CDH26: variants seen among roughly 807,000 people sequenced by gnomAD.
The protein encoded by CDH26 is cadherin-like protein 26.
A neutral mutation model predicts 90.3 loss-of-function variants in CDH26; 83 were observed. That is an observed-to-expected ratio of 0.92 (90% confidence interval 0.77 to 1.10). The LOEUF (loss-of-function observed/expected upper bound fraction) is 1.10, where lower values mean the gene tolerates loss of function less well. CDH26 is among the 50% of genes least tolerant of loss of function. The pLI, the probability that CDH26 is intolerant of heterozygous loss-of-function variation, is 0.00. For missense variants in CDH26, 1,013 were observed against 1,037.6 expected, an observed-to-expected ratio of 0.98 and a Z score of 0.33; for synonymous variants, 397 against 396.3, an observed-to-expected ratio of 1.00 and a Z score of -0.02.
At chr20:60,000,890 C>T (rs1007439422) in intron 14 of CDH26, among the ~76,000 whole-genome samples, 2 of 152,166 alleles carry the variant, frequency 1.3e-5, no homozygotes, top group Non-Finnish European at 2.9e-5. Flanking sequence ...TCAATGAGAC[C>T]ATTGTCAAGG....
chr20:59,969,636 C>T (rs542630492), intron 2 of CDH26, among the ~76,000 whole-genome samples: 7 of 152,310 alleles, frequency 4.6e-5, no homozygotes, highest in Non-Finnish European at 5.9e-5. Context: ...TCTTTGTGTA[C>T]ATGTCTGCAC....
chr20:59,976,809 G>A (rs2061333339), intron 4 of CDH26, among the ~76,000 whole-genome samples: 2 of 152,062 alleles, frequency 1.3e-5, no homozygotes, highest in Admixed American at 6.5e-5. Context: ...GCAGAGGAAT[G>A]AGCCACAAGT....
chr20:60,018,036 T>C (rs946840026), downstream of CDH26, among the ~76,000 whole-genome samples: 2 of 152,102 alleles, frequency 1.3e-5, no homozygotes, highest in South Asian at 2.1e-4. Flanking sequence ...ATATGGCCTC[T>C]CCTGGAGAAA....
Position 59,985,007 on chromosome 20 carries a change from C to A in CDH26, c.715C>A (p.Pro239Thr). ...TCCTTTTCCTCCCACATAGACCGCTCCTCAGTTTACACTGCTAATCAGAGC... is the reference window on the plus strand; with the variant it reads ...TCCTTTTCCTCCCACATAGACCGCTACTCAGTTTACACTGCTAATCAGAGC... ...LSGCLDYETA[P>T]QFTLLIRARD... The change falls in exon 7 of 18, where the codon CCT (proline) becomes ACT (threonine). Residue 239 changes from proline to threonine, a missense_variant. Coordinates refer to ENST00000348616, the MANE Select transcript of CDH26 (RefSeq NM_177980.4). The A allele has an allele frequency of 6.2e-7, 1 of 1,614,026 alleles. No homozygotes were observed. Among genetic ancestry groups the A allele is most frequent in the South Asian group, 1.1e-5 (1 of 91,040 alleles).
At chr20:59,984,918 A>G in intron 6 of CDH26, 83 bp from the exon 7 acceptor site, 1 of 1,567,898 alleles carries the variant, frequency 6.4e-7, no homozygotes, top group Non-Finnish European at 8.7e-7. Context: ...TTTGCTATTG[A>G]AATTCCTAAA....
At position 59,989,015 on chromosome 20, in the gene CDH26, G is replaced by A. The variant is rs1353978111; in HGVS notation, c.1135G>A (p.Ala379Thr). The A allele has an allele frequency of 6.2e-7, 1 of 1,614,224 alleles. No homozygotes were observed. The highest frequency in any genetic ancestry group is 1.7e-5 in the Admixed American group (1 of 60,028). ...GKLQPPRKAAASATVSVQVTD... is the reference protein window; with the variant it reads ...GKLQPPRKAATSATVSVQVTD... ...GCTTCAGCCGCCAAGGAAGGCAGCA[G>A]CCAGCGCCACTGTGAGTGTGCAGGT... is the stretch of plus-strand genomic sequence containing the variant. Residue 379 changes from alanine to threonine, a missense_variant, in exon 9 of 18, where the codon GCC becomes ACC. Ala to Thr is a moderately conservative substitution (Grantham distance 58). Coordinates refer to ENST00000348616, the MANE Select transcript of CDH26 (RefSeq NM_177980.4).
At chr20:60,033,779 G>A (rs1225850511) in exon 9 of CDH26, 4 of 1,110,046 alleles carry the variant, frequency 3.6e-6, no homozygotes, top group Non-Finnish European at 2.3e-6. Context: ...CAAGATGTGT[G>A]TGTGTGTGTG....
Position 59,994,441 on chromosome 20 carries a change from A to G in CDH26, c.1618A>G (p.Asn540Asp). The stretch of plus-strand genomic sequence containing the variant: ...TGACCCATTTACATTTGAATTGGAC[A>G]ATACCTGGGGAAATGCGGAGGACAC... ...FSDPFTFELD[N>D]TWGNAEDTWK... Residue 540 changes from asparagine to aspartate, a missense_variant, in exon 11 of 18, where the codon AAT (asparagine) becomes GAT (aspartate). Physicochemically the swap from Asn to Asp is conservative, Grantham distance 23. Coordinates refer to ENST00000348616, the MANE Select transcript of CDH26 (RefSeq NM_177980.4). 1 of 1,614,194 alleles carries G rather than the reference A, an allele frequency of 6.2e-7. No homozygotes were observed. Among genetic ancestry groups the G allele is most frequent in the Non-Finnish European group, 8.5e-7 (1 of 1,180,020 alleles).
chr20:59,972,685 A>G (rs2061277260), intron 4 of CDH26, among the ~76,000 whole-genome samples: 1 of 152,172 alleles, frequency 6.6e-6, no homozygotes, highest in Non-Finnish European at 1.5e-5. Flanking sequence ...TACTCACCTA[A>G]CATCATAGGA....
At chr20:60,001,465 T>A in intron 15 of CDH26, 54 bp downstream of exon 15, 7 of 1,600,490 alleles carry the variant, frequency 4.4e-6, no homozygotes, top group Non-Finnish European at 6.0e-6. Context: ...TGACTAACAG[T>A]TGGTCCCCCT....
At chr20:59,989,848 G>GT (rs968043523) in intron 9 of CDH26, among the ~76,000 whole-genome samples, 32 of 152,046 alleles carry the variant, frequency 2.1e-4, no homozygotes, top group African/African-American at 4.3e-4. Flanking sequence ...AAAAGTGAGG[G>GT]TTTTTTTTGT....
intron 15 of CDH26, 31 bp downstream of exon 15, chr20:60,001,442 G>A: frequency 6.2e-7 from 1 of 1,611,624 alleles, no homozygotes. Flanking sequence ...CCCTGCTACG[G>A]CCATCTCACT....
At chr20:60,028,083 G>A (rs1358848085) in intron 7 of CDH26, among the ~76,000 whole-genome samples, 1 of 152,072 alleles carries the variant, frequency 6.6e-6, no homozygotes, top group Non-Finnish European at 1.5e-5. Context: ...ATTAAGTTCT[G>A]CACTGTTTTG....
chr20:59,992,608 CAGAGA>C lies in CDH26; in HGVS notation c.1426+90_1426+94del. 2 of 1,314,224 alleles carry C rather than the reference CAGAGA, an allele frequency of 1.5e-6. No individual in the cohort carries two copies. Among genetic ancestry groups the C allele is most frequent in the Non-Finnish European group, 2.2e-6 (2 of 922,824 alleles). 81.4% of individuals were successfully genotyped at this position (1,314,224 alleles called of 1,614,324 possible). A position where few individuals can be genotyped will look rare whatever the true frequency, so the allele number is the denominator to read the frequency against. ...CCCTGGTGAGCGTCTTTCAGCACAG[CAGAGA>C]AAAGGATAAAATAAACCTTGTTATC... On this transcript the variant is annotated intron_variant, in intron 10 of 17. Coordinates refer to ENST00000348616, the MANE Select transcript of CDH26 (RefSeq NM_177980.4). This position sits in a 1 kb window ranked among gnomAD's most constrained non-coding sequence, Gnocchi z 5.0.
intron 7 of CDH26, among the ~76,000 whole-genome samples, chr20:59,986,616 T>TAC (rs3043440): frequency 0.1 from 13,685 of 136,682 alleles, 665 homozygotes; most frequent in African/African-American, 0.11. Flanking sequence ...TAAATCCCCC[T>TAC]ACACACACAC....
intron 7 of CDH26, among the ~76,000 whole-genome samples, chr20:60,021,891 CACACACATAT>C (rs1487284816): frequency 1.1e-5 from 1 of 90,070 alleles, no homozygotes; most frequent in South Asian, 3.7e-4. Flanking sequence ...CACACACACA[CACACACATAT>C]ATATATATAT....
At chr20:60,014,865 A>G (rs1355917045), downstream of CDH26, among the ~76,000 whole-genome samples, 1 of 152,202 alleles carries the variant, frequency 6.6e-6, no homozygotes, top group African/African-American at 2.4e-5. Flanking sequence ...AGAGTTTTTG[A>G]GGAACCTCCA....
At chr20:60,002,753 A>G (rs896604247) in intron 15 of CDH26, 60 bp from the exon 16 acceptor site, 7 of 1,324,088 alleles carry the variant, frequency 5.3e-6, no homozygotes, top group East Asian at 4.7e-5. Context: ...ATTTCTAGTT[A>G]TGTATTTGCA....
intron 15 of CDH26, among the ~76,000 whole-genome samples, chr20:60,002,072 A>G (rs1209576132): frequency 6.6e-6 from 1 of 152,174 alleles, no homozygotes; most frequent in African/African-American, 2.4e-5. Flanking sequence ...TTTAACCAAA[A>G]TGTACTTTTC....
Sources: gnomAD v4.1 joint callset for allele counts (sites outside exome capture counted in the v4.1 genomes callset) on GRCh38, gnomAD v4.1.1 for gene constraint, Gnocchi (gnomAD v3.1) non-coding constraint, MANE v1.5 for transcripts, NCBI Gene and HGNC (gene_info 2026-07-23, HGNC 2026-07-21) for gene names.